TNIP3: variants seen among roughly 807,000 people sequenced by gnomAD.
TNIP3 encodes the protein TNFAIP3-interacting protein 3.
In TNIP3, 34 loss-of-function variants were observed where a neutral mutation model predicts 54.1. The ratio of observed to expected loss-of-function variants is 0.63; its 90% CI spans 0.48 to 0.84. The LOEUF (loss-of-function observed/expected upper bound fraction) is 0.84. Ranked by LOEUF, TNIP3 falls within the 40% of genes least tolerant of loss-of-function variation. The pLI is 0.00. For synonymous variants in TNIP3, 134 were observed against 136.8 expected, an observed-to-expected ratio of 0.98 and a Z score of 0.14; for missense variants, 366 against 387.6, an observed-to-expected ratio of 0.94 and a Z score of 0.47.
At chr4:121,217,853 C>T (rs933392638), upstream of TNIP3, among the ~76,000 whole-genome samples, 9 of 152,018 alleles carry the variant, frequency 5.9e-5, no homozygotes, top group African/African-American at 9.7e-5. Context: ...CAAGCATATG[C>T]GAAATTACAC....
chr4:121,134,839 G>T (rs557286561), intron 10 of TNIP3, among the ~76,000 whole-genome samples: 1 of 152,134 alleles, frequency 6.6e-6, no homozygotes, highest in African/African-American at 2.4e-5. Context: ...CAGTGTGAGC[G>T]ACGTTTCCTC....
At chr4:121,192,222 A>G (rs62321500) in intron 2 of TNIP3, among the ~76,000 whole-genome samples, 3,264 of 152,294 alleles carry the variant, frequency 0.021, 47 homozygotes, top group Non-Finnish European at 0.033. Flanking sequence ...GCCAATCTCA[A>G]TCGACGCCTG....
intron 10 of TNIP3, among the ~76,000 whole-genome samples, chr4:121,135,954 A>T (rs928692103): frequency 3.9e-5 from 6 of 152,218 alleles, no homozygotes; most frequent in Non-Finnish European, 7.3e-5. Flanking sequence ...AGGCATAGGA[A>T]TCCCAAACAG....
At chr4:121,215,349 C>G (rs759505252) in intron 2 of TNIP3, among the ~76,000 whole-genome samples, 1 of 152,156 alleles carries the variant, frequency 6.6e-6, no homozygotes, top group Non-Finnish European at 1.5e-5. Context: ...TTGAAATTAT[C>G]TTTCACTTGA....
At chr4:121,224,603 C>T (rs538734049) in intron 1 of TNIP3, among the ~76,000 whole-genome samples, 2 of 151,948 alleles carry the variant, frequency 1.3e-5, no homozygotes, top group African/African-American at 4.8e-5. Context: ...TTGTTTTCAC[C>T]CATATTTAGG....
chr4:121,170,223 A>T (rs1730992458), intron 3 of TNIP3, among the ~76,000 whole-genome samples: 1 of 152,252 alleles, frequency 6.6e-6, no homozygotes, highest in Non-Finnish European at 1.5e-5. Flanking sequence ...AGCTTCTTGA[A>T]GATGAGGTCG....
At chr4:121,216,442 A>G in exon 2 of TNIP3, 1 of 1,535,874 alleles carries the variant, frequency 6.5e-7, no homozygotes, top group Middle Eastern at 1.7e-4. Context: ...TTGATTGGTG[A>G]ACATTACCAG....
chr4:121,182,238 A>C lies in TNIP3; in HGVS notation c.189+438T>G, dbSNP rs539648578. Reference sequence around the variant, plus strand: ...GAAACGAGTGGAAGTTCAAAGTCAAACAACTCCTTTAATCAATGAAACCTT... The same window carrying C: ...GAAACGAGTGGAAGTTCAAAGTCAACCAACTCCTTTAATCAATGAAACCTT... On this transcript the variant is annotated intron_variant, in intron 3 of 12. Coordinates refer to the TNIP3 transcript ENST00000507879. 1.1e-3 allele frequency among the ~76,000 whole-genome samples: 170 copies of C among 152,330 alleles called. 1 individual carries two copies. The highest frequency in any genetic ancestry group is 3.7e-3 in the African/African-American group (154 of 41,592).
At chr4:121,158,911 T>C (rs545350312) in intron 2 of TNIP3, among the ~76,000 whole-genome samples, 159 bp from the exon 3 acceptor site, 1 of 152,306 alleles carries the variant, frequency 6.6e-6, no homozygotes, top group East Asian at 1.9e-4. Context: ...GATGATTAAA[T>C]TGAACACACT....
At chr4:121,158,324 A>T (rs1335363302) in intron 3 of TNIP3, among the ~76,000 whole-genome samples, 1 of 152,160 alleles carries the variant, frequency 6.6e-6, no homozygotes, top group Non-Finnish European at 1.5e-5. Flanking sequence ...CCTGGCGTAA[A>T]CAGTATGGAC....
At chr4:121,205,386 G>A (rs1002026278) in intron 2 of TNIP3, among the ~76,000 whole-genome samples, 7 of 152,122 alleles carry the variant, frequency 4.6e-5, no homozygotes, top group Non-Finnish European at 1.0e-4. Context: ...GGGGATTGTA[G>A]CAGATTAAAC....
intron 2 of TNIP3, among the ~76,000 whole-genome samples, chr4:121,211,439 A>G (rs536549987): frequency 3.3e-5 from 5 of 152,352 alleles, no homozygotes; most frequent in African/African-American, 1.2e-4. Context: ...CACTGAGGAT[A>G]TTACATTTAA....
intron 3 of TNIP3, 90 bp from the exon 4 acceptor site, chr4:121,157,333 A>C: frequency 6.4e-7 from 1 of 1,550,692 alleles, no homozygotes; most frequent in South Asian, 1.1e-5. Flanking sequence ...CTTTGGCAGA[A>C]ACGCCCCACC....
At chr4:121,166,615 T>A (rs183582989), upstream of TNIP3, among the ~76,000 whole-genome samples, 10 of 152,244 alleles carry the variant, frequency 6.6e-5, no homozygotes, top group Non-Finnish European at 1.2e-4. Flanking sequence ...CAAAGGGAAA[T>A]GTGGTAAAGG....
At chr4:121,154,359 T>G (rs79319714) in intron 5 of TNIP3, 192 bp downstream of exon 5, 2 of 632,524 alleles carry the variant, frequency 3.2e-6, no homozygotes, top group Admixed American at 6.8e-5. Flanking sequence ...ACAAAAATTC[T>G]CTAAAGCCTC....
At chr4:121,154,828 C>G in intron 4 of TNIP3, 149 bp from the exon 5 acceptor site, 1 of 646,366 alleles carries the variant, frequency 1.5e-6, no homozygotes, top group Non-Finnish European at 2.5e-6. Context: ...AGACTTTAAA[C>G]TTAATGTTCC....
In TNIP3 at chr4:121,181,551, A is replaced by G. The variant is rs962904641; in HGVS notation, c.189+1125T>C. On this transcript the variant is annotated intron_variant, in intron 3 of 12. Coordinates refer to the TNIP3 transcript ENST00000507879. ...ATGCAGAAAGCACACAACACTGTTC[A>G]TGACATGAATGAAAGAAAGAGGTAC... Among the ~76,000 whole-genome samples the G allele has an allele frequency of 4.0e-4, 61 of 152,292 alleles. 1 individual carries two copies. Among genetic ancestry groups the G allele is most frequent in the African/African-American group, 1.3e-3 (55 of 41,572 alleles).
chr4:121,213,960 A>T (rs1160269762), intron 2 of TNIP3, among the ~76,000 whole-genome samples: 1 of 152,208 alleles, frequency 6.6e-6, no homozygotes, highest in African/African-American at 2.4e-5. Flanking sequence ...TTACTTTGAT[A>T]ATCCCCCATA....
chr4:121,132,578 T>A lies in TNIP3; in HGVS notation c.*53A>T. On this transcript the variant is annotated 3_prime_UTR_variant, in exon 11 of 11. Coordinates refer to ENST00000057513, the MANE Select transcript of TNIP3 (RefSeq NM_024873.6). The stretch of plus-strand genomic sequence containing the variant: ...GCCTCAGTATAAACAAAGAAGAGGG[T>A]CCTCAGCCACGCTCCCTCGTTGCCT... The A allele has an allele frequency of 3.2e-6, 5 of 1,548,960 alleles. No homozygotes were observed. The highest frequency in any genetic ancestry group is 4.5e-6 in the Non-Finnish European group (5 of 1,122,234).
Sources: gnomAD v4.1 joint callset for allele counts (sites outside exome capture counted in the v4.1 genomes callset) on GRCh38, gnomAD v4.1.1 for gene constraint, MANE v1.5 for transcripts, NCBI Gene and HGNC (gene_info 2026-07-23, HGNC 2026-07-21) for gene names.